Variants in EHMT1 observed in about 807,000 individuals in gnomAD.
EHMT1 encodes the protein euchromatic histone lysine methyltransferase 1.
EHMT1 carries 15 observed loss-of-function variants against 147.2 expected under a neutral mutation model. That is an observed-to-expected ratio of 0.10 (90% CI 0.07 to 0.16). EHMT1 has a LOEUF of 0.16. Ranked by LOEUF, EHMT1 falls within the 10% of genes least tolerant of loss-of-function variation. EHMT1 has a pLI of 1.00. For missense variants in EHMT1, 1,587 were observed against 1,772.4 expected (o/e 0.90, Z 1.88); for synonymous variants, 795 against 709.6 (o/e 1.12, Z -1.91).
At chr9:137,630,465 A>T (rs1843556513) in intron 1 of EHMT1, among the ~76,000 whole-genome samples, 1 of 152,176 alleles carries the variant, frequency 6.6e-6, no homozygotes, top group South Asian at 2.1e-4. Flanking sequence ...CTAGGTCTTA[A>T]AGGATGTGAG....
rs182181452 is a variant in EHMT1, at chr9:137,809,185, C to T, written c.2713-2276C>T. Among the ~76,000 whole-genome samples the T allele has an allele frequency of 1.8e-4, 28 of 152,282 alleles. No homozygotes were observed. The East Asian group carries it at 4.2e-3, about 23-fold the overall frequency. ...GTCAAGGGAACAGTGAAGCCCATGC[C>T]GGGGGCTGGCCGTTTGTGGATGAAG... On this transcript the variant is annotated intron_variant, in intron 18 of 26. Coordinates refer to ENST00000460843, the MANE Select transcript of EHMT1 (RefSeq NM_024757.5).
intron 1 of EHMT1, among the ~76,000 whole-genome samples, chr9:137,688,463 G>A (rs978333587): frequency 2.0e-5 from 3 of 152,304 alleles, no homozygotes; most frequent in East Asian, 1.9e-4. Flanking sequence ...GGCTGCCAGC[G>A]CTGCACCCCT....
chr9:137,711,017 G>A lies in EHMT1; in HGVS notation c.72G>A (p.Glu24=). The A allele has an allele frequency of 6.3e-7, 1 of 1,594,608 alleles. No homozygotes were observed. Among genetic ancestry groups the A allele is most frequent in the Non-Finnish European group, 8.5e-7 (1 of 1,171,202 alleles). The change falls in exon 2 of 27, where the codon GAG becomes GAA. Residue 24 remains glutamate, a synonymous_variant. Coordinates refer to ENST00000460843, the MANE Select transcript of EHMT1 (RefSeq NM_024757.5). The stretch of plus-strand genomic sequence containing the variant: ...AGCAGGATTGCTGTGTGAAAACCGA[G>A]CTGCTGGGAGAAGGTGAGGGCGGTG... ...EPQQDCCVKT[E]LLGEETPMAA...
At chr9:137,805,612 TG>T (rs1953880221) in intron 18 of EHMT1, among the ~76,000 whole-genome samples, 1 of 152,226 alleles carries the variant, frequency 6.6e-6, no homozygotes, top group Non-Finnish European at 1.5e-5. Flanking sequence ...CACATATATA[TG>T]TTCTGAACAC....
chr9:137,833,606 C>T (rs1431073414), intron 25 of EHMT1, among the ~76,000 whole-genome samples: 1 of 152,244 alleles, frequency 6.6e-6, no homozygotes, highest in Non-Finnish European at 1.5e-5. Flanking sequence ...GTCAGGCCCA[C>T]CCACCTCGTC....
intron 7 of EHMT1, 148 bp downstream of exon 7, chr9:137,752,556 G>T (rs1346387095): frequency 3.2e-6 from 3 of 924,008 alleles, no homozygotes; most frequent in Non-Finnish European, 5.1e-6. Context: ...CCACAGATGG[G>T]TCCTGTCCCT....
intron 1 of EHMT1, among the ~76,000 whole-genome samples, chr9:137,691,324 T>A (rs1013772791): frequency 4.1e-4 from 61 of 149,334 alleles, no homozygotes; most frequent in Admixed American, 1.5e-3. Context: ...TATATATATA[T>A]AAAATATATT....
rs995915162 is a variant in EHMT1 at position 137,833,158 on chromosome 9, G to A, written c.3541-1191G>A. Among the ~76,000 whole-genome samples the A allele has an allele frequency of 6.6e-5, 10 of 152,308 alleles. No individual in the cohort carries two copies. The South Asian group carries it at 1.9e-3, about 28-fold the overall frequency. Reference sequence around the variant, plus strand: ...GGTTTTAACCTCTTGACCTCTGAGCGTCCCTGGCTCTCTGGTTAATGTTCA... The same window carrying A: ...GGTTTTAACCTCTTGACCTCTGAGCATCCCTGGCTCTCTGGTTAATGTTCA... On this transcript the variant is annotated intron_variant, in intron 25 of 26. Coordinates refer to ENST00000460843, the MANE Select transcript of EHMT1 (RefSeq NM_024757.5).
chr9:137,834,099 C>T (rs1355180254), intron 25 of EHMT1: 2 of 585,062 alleles, frequency 3.4e-6, no homozygotes, highest in Admixed American at 3.0e-5. Context: ...GAACGGCCCG[C>T]ACCACCCCCA....
intron 1 of EHMT1, among the ~76,000 whole-genome samples, chr9:137,705,952 CT>C (rs1944233131): frequency 6.6e-6 from 1 of 152,140 alleles, no homozygotes; most frequent in Non-Finnish European, 1.5e-5. Context: ...CTCTCCTGGA[CT>C]TCCAAATTGC....
chr9:137,680,152 C>CT (rs1209908141), intron 1 of EHMT1, among the ~76,000 whole-genome samples: 2 of 151,902 alleles, frequency 1.3e-5, no homozygotes, highest in East Asian at 1.9e-4. Context: ...AGTCTTGTGG[C>CT]TTTTTTTTAG....
rs774693715 is a variant in EHMT1, at chr9:137,717,054, C to G, written c.514C>G (p.Pro172Ala). The G allele has an allele frequency of 1.9e-6, 3 of 1,607,152 alleles. No homozygotes were observed. The highest frequency in any genetic ancestry group is 1.1e-5 in the South Asian group (1 of 90,926). Residue 172 changes from proline (P) to alanine (A), a missense_variant, in exon 3 of 27, where the codon CCA becomes GCA. Coordinates refer to ENST00000460843, the MANE Select transcript of EHMT1 (RefSeq NM_024757.5). ...GACTCCAAGCGCTTTTCCCCAGACG[C>G]CAGCCGCCCCACCAGCCACCCTTGG... is the stretch of plus-strand genomic sequence containing the variant. The part of the protein sequence containing the change: ...GRTPSAFPQT[P>A]AAPPATLGEG...
chr9:137,816,040 C>A lies in EHMT1; in HGVS notation c.3352C>A (p.Arg1118Ser), dbSNP rs573020258. 1 of 1,612,624 alleles carries A rather than the reference C, an allele frequency of 6.2e-7. No homozygotes were observed. The highest frequency in any genetic ancestry group is 1.3e-5 in the African/African-American group (1 of 75,022). ...CTCCTGCTGGAGGAACTGCCGAAAT[C>A]GCGTCGTACAGAATGGTCTCAGGTG... ...ACSCWRNCRN[R>S]VVQNGLRARL... is the part of the protein sequence containing the mutation. The change falls in exon 23 of 27, where the codon CGC (arginine) becomes AGC (serine). Residue 1118 changes from arginine (R) to serine (S), a missense_variant. This residue lies in a region of EHMT1 where 156 missense variants were observed against 252.5 expected (regional missense o/e 0.62). Transcript: ENST00000460843.
chr9:137,671,578 G>A (rs1317621764), intron 1 of EHMT1, among the ~76,000 whole-genome samples: 1 of 144,100 alleles, frequency 6.9e-6, no homozygotes, highest in Admixed American at 7.3e-5. Flanking sequence ...AGGCTGGGGT[G>A]CAGTTGTGTG....
rs568793339 is a variant in EHMT1 at position 137,706,833 on chromosome 9, A to T, written c.22-4134A>T. On this transcript the variant is annotated intron_variant, in intron 1 of 26. Coordinates refer to ENST00000460843, the MANE Select transcript of EHMT1 (RefSeq NM_024757.5). Reference sequence around the variant, plus strand: ...ATTTATCTTTTATACATATATATATATTTTTTGAGATGGAGTTTTGCTCTT... The same window carrying T: ...ATTTATCTTTTATACATATATATATTTTTTTTGAGATGGAGTTTTGCTCTT... 1.7e-3 allele frequency among the ~76,000 whole-genome samples: 263 copies of T among 151,070 alleles called. 2 individuals carry two copies. Among genetic ancestry groups the T allele is most frequent in the Non-Finnish European group, 2.7e-3 (184 of 67,798 alleles).
chr9:137,735,881 A>G (rs943466281), intron 4 of EHMT1, among the ~76,000 whole-genome samples: 12 of 152,184 alleles, frequency 7.9e-5, no homozygotes, highest in South Asian at 4.1e-4. Context: ...TCCCTTTCCA[A>G]TTTCCACCAT....
At chr9:137,691,145 T>A (rs1942894275) in intron 1 of EHMT1, among the ~76,000 whole-genome samples, 1 of 151,982 alleles carries the variant, frequency 6.6e-6, no homozygotes, top group African/African-American at 2.4e-5. Context: ...CTATTTCCTG[T>A]CTCTAAGACT....
chr9:137,809,460 G>A (rs1954229554), intron 18 of EHMT1, among the ~76,000 whole-genome samples: 1 of 152,190 alleles, frequency 6.6e-6, no homozygotes, highest in Non-Finnish European at 1.5e-5. Flanking sequence ...TGGAAGCAGA[G>A]CCTGCGGGGT....
At chr9:137,686,681 G>A (rs1234786162) in intron 1 of EHMT1, among the ~76,000 whole-genome samples, 1 of 150,478 alleles carries the variant, frequency 6.6e-6, no homozygotes, top group African/African-American at 2.5e-5. Context: ...GTGCCCAGCT[G>A]AGTCAATTTT....
Sources: gnomAD v4.1 joint callset for allele counts (sites outside exome capture counted in the v4.1 genomes callset) on GRCh38, gnomAD v4.1.1 for gene constraint, gnomAD v4.1.1 regional missense constraint, MANE v1.5 for transcripts, NCBI Gene and HGNC (gene_info 2026-07-23, HGNC 2026-07-21) for gene names.